The following VDAC1 variants were observed in gnomAD, a reference collection of about 807,000 sequenced individuals.
VDAC1 encodes the protein voltage dependent anion channel 1.
VDAC1 carries 10 observed loss-of-function variants against 34.7 expected under a neutral mutation model. That is an observed-to-expected ratio of 0.29 (90% CI 0.18 to 0.49). The LOEUF (loss-of-function observed/expected upper bound fraction) is 0.49. Among genes scored for constraint, VDAC1 ranks in the 20% least tolerant of loss-of-function variants. VDAC1 has a pLI of 0.99. For missense variants in VDAC1, 230 were observed against 347.9 expected, an observed-to-expected ratio of 0.66 and a Z score of 2.69; for synonymous variants, 130 against 136.0, an observed-to-expected ratio of 0.96 and a Z score of 0.30.
the VDAC1 span, among the ~76,000 whole-genome samples, chr5:134,067,974 C>G: frequency 2.0e-5 from 3 of 151,964 alleles, no homozygotes; most frequent in African/African-American, 7.3e-5. Flanking sequence ...AAAAATTAGC[C>G]GGTCATGGTG....
the VDAC1 span, among the ~76,000 whole-genome samples, chr5:134,043,118 G>A: frequency 7.9e-5 from 12 of 152,244 alleles, no homozygotes; most frequent in African/African-American, 2.9e-4. Flanking sequence ...CTGGGGCAGG[G>A]GTGGCAGGAG....
chr5:134,102,809 G>T, the VDAC1 span, among the ~76,000 whole-genome samples: 1 of 152,090 alleles, frequency 6.6e-6, no homozygotes, highest in African/African-American at 2.4e-5. Context: ...CTGAGTTTGG[G>T]CTATAGGGCA....
At chr5:134,101,081 C>T in the VDAC1 span, among the ~76,000 whole-genome samples, 5 of 152,262 alleles carry the variant, frequency 3.3e-5, no homozygotes, top group Non-Finnish European at 5.9e-5. Flanking sequence ...GTAATCCCAA[C>T]GGAAACCAGA....
the VDAC1 span, among the ~76,000 whole-genome samples, chr5:134,010,664 C>G: frequency 6.6e-6 from 1 of 152,066 alleles, no homozygotes; most frequent in Admixed American, 6.6e-5. Context: ...TAATGGAAGG[C>G]AATCTATGTT....
the VDAC1 span, among the ~76,000 whole-genome samples, chr5:134,109,811 A>G: frequency 1.3e-5 from 2 of 150,406 alleles, no homozygotes; most frequent in Non-Finnish European, 2.9e-5. Flanking sequence ...AGGCATCTGC[A>G]GCTTCCAGGT....
chr5:134,090,635 A>C, the VDAC1 span, among the ~76,000 whole-genome samples: 4 of 152,158 alleles, frequency 2.6e-5, no homozygotes, highest in South Asian at 8.3e-4. Flanking sequence ...TGCTCCCACC[A>C]ACCTCCGCTC....
At chr5:134,005,012 T>C (rs939464267), upstream of VDAC1, 1 of 152,098 alleles carries the variant, frequency 6.6e-6, no homozygotes, top group African/African-American at 2.4e-5. Context: ...GTGTGCACCG[T>C]GTGTGCGTGC....
chr5:134,102,322 C>A, the VDAC1 span, among the ~76,000 whole-genome samples: 1 of 150,330 alleles, frequency 6.7e-6, no homozygotes, highest in Admixed American at 6.6e-5. Context: ...CCAGCCCATC[C>A]CCCCACCCTC....
At chr5:134,005,080 G>C (rs1439570901), upstream of VDAC1, 13 of 152,342 alleles carry the variant, frequency 8.5e-5, no homozygotes, top group South Asian at 4.1e-4. Flanking sequence ...GCTCGGGAAG[G>C]GGGAGGAGGC....
chr5:134,049,191 T>C, the VDAC1 span, among the ~76,000 whole-genome samples: 5,159 of 152,354 alleles, frequency 0.034, 107 homozygotes, highest in East Asian at 0.087. Flanking sequence ...TATGTATCAC[T>C]GACTCCCTGT....
the VDAC1 span, among the ~76,000 whole-genome samples, chr5:134,102,593 G>A: frequency 4.6e-5 from 7 of 152,212 alleles, no homozygotes; most frequent in East Asian, 1.2e-3. Context: ...GCTTGAACCC[G>A]GGAGGTGGAG....
the VDAC1 span, among the ~76,000 whole-genome samples, chr5:134,048,394 G>A: frequency 6.6e-6 from 1 of 152,038 alleles, no homozygotes; most frequent in African/African-American, 2.4e-5. Context: ...AGCCTCCCGA[G>A]TACCTGGGAC....
At chr5:134,006,750 A>ACCCC (rs1561605416), upstream of VDAC1, among the ~76,000 whole-genome samples, 25 of 64,902 alleles carry the variant, frequency 3.9e-4, 1 homozygote, top group African/African-American at 1.4e-3. Context: ...CCCCCCCCCA[A>ACCCC]AAAAAAAAAA....
chr5:134,058,517 G>A, the VDAC1 span, among the ~76,000 whole-genome samples: 20 of 151,914 alleles, frequency 1.3e-4, no homozygotes, highest in African/African-American at 4.1e-4. Flanking sequence ...GGGTTTCACC[G>A]TGTTAACCAG....
At chr5:134,033,207 G>C in the VDAC1 span, among the ~76,000 whole-genome samples, 4 of 148,406 alleles carry the variant, frequency 2.7e-5, no homozygotes, top group African/African-American at 5.0e-5. Flanking sequence ...ACCCAGGCTG[G>C]AGTGCAATGG....
chr5:134,003,268 G>A lies in VDAC1; in HGVS notation c.-7+1627C>T, dbSNP rs1396197439. Reference sequence around the variant, plus strand: ...CTGAGTTGGTCCAGAGCTGGGGTGGGCAGAATGAAGGCTGGCCCTCGGTAG... The same window carrying A: ...CTGAGTTGGTCCAGAGCTGGGGTGGACAGAATGAAGGCTGGCCCTCGGTAG... On this transcript the variant is annotated intron_variant, in intron 1 of 8. Coordinates refer to ENST00000265333, the MANE Select transcript of VDAC1 (RefSeq NM_003374.3). Among the ~76,000 whole-genome samples, 3 of 152,196 alleles carry A rather than the reference G, an allele frequency of 2.0e-5. No individual in the cohort carries two copies. The East Asian group carries it at 5.8e-4, about 29-fold the overall frequency.
intron 1 of VDAC1, among the ~76,000 whole-genome samples, chr5:134,000,573 C>G (rs1580732017): frequency 6.6e-6 from 1 of 152,192 alleles, no homozygotes; most frequent in African/African-American, 2.4e-5. Context: ...TTGAGACAGA[C>G]AGTGCTTGGG....
At chr5:134,070,366 A>G in the VDAC1 span, among the ~76,000 whole-genome samples, 1 of 152,056 alleles carries the variant, frequency 6.6e-6, no homozygotes, top group Non-Finnish European at 1.5e-5. Context: ...CTAGTCCAAG[A>G]GCTAGGCTGC....
At chr5:134,103,079 G>A in the VDAC1 span, among the ~76,000 whole-genome samples, 1 of 152,036 alleles carries the variant, frequency 6.6e-6, no homozygotes, top group African/African-American at 2.4e-5. Context: ...TGCTATTTGG[G>A]GCACGTCATG....
Sources: gnomAD v4.1 joint callset for allele counts (sites outside exome capture counted in the v4.1 genomes callset) on GRCh38, gnomAD v4.1.1 for gene constraint, MANE v1.5 for transcripts, NCBI Gene and HGNC (gene_info 2026-07-23, HGNC 2026-07-21) for gene names.